The following TEX10 variants were observed in gnomAD, a reference collection of about 807,000 sequenced individuals.
TEX10 encodes testis expressed 10.
Under a neutral mutation model 104.4 loss-of-function variants are expected in TEX10, and 24 were observed. That is an observed-to-expected ratio of 0.23 (90% CI 0.17 to 0.32). TEX10 has a LOEUF of 0.32. Ranked by LOEUF, TEX10 falls within the 10% of genes least tolerant of loss-of-function variation. TEX10 has a pLI of 1.00. For synonymous variants in TEX10, 396 were observed against 393.4 expected (o/e 1.01, Z -0.08); for missense variants, 921 against 1,083.9 (o/e 0.85, Z 2.11).
chr9:100,304,974 C>T (rs1450953317), intron 13 of TEX10: 1 of 152,142 alleles, frequency 6.6e-6, no homozygotes, highest in South Asian at 2.1e-4. Flanking sequence ...GAGAAACTAT[C>T]CACATTTCAA....
chr9:100,307,901 T>C (rs1394549026), intron 13 of TEX10: 5 of 152,184 alleles, frequency 3.3e-5, no homozygotes, highest in African/African-American at 1.2e-4. Flanking sequence ...GACAGAATAT[T>C]TGCCAACCTG....
chr9:100,340,388 T>G lies in TEX10; in HGVS notation c.1138-19A>C. 7.0e-7 allele frequency: 1 copy of G among 1,429,084 alleles called. No individual in the cohort carries two copies. The highest frequency in any genetic ancestry group is 9.4e-7 in the Non-Finnish European group (1 of 1,065,028). 88.5% of individuals were successfully genotyped at this position (1,429,084 alleles called of 1,614,324 possible). On this transcript the variant is annotated intron_variant, in intron 4 of 14. Transcript: ENST00000374902. Reference sequence around the variant, plus strand: ...ATGACTCCTATTGAAATAGCAAAGATTAGAAAAATCTACAAGAAAAAATGT... The same window carrying G: ...ATGACTCCTATTGAAATAGCAAAGAGTAGAAAAATCTACAAGAAAAAATGT...
intron 11 of TEX10, 54 bp downstream of exon 11, chr9:100,320,211 G>C: frequency 6.6e-7 from 1 of 1,506,790 alleles, no homozygotes. Flanking sequence ...AACTATTACT[G>C]GTTGATGAAC....
chr9:100,319,209 C>G (rs1180083725), intron 11 of TEX10, among the ~76,000 whole-genome samples: 4 of 151,702 alleles, frequency 2.6e-5, no homozygotes, highest in Non-Finnish European at 5.9e-5. Context: ...ACAAAAAACA[C>G]CAAACCAAAC....
At chr9:100,302,936 C>CA (rs146141732) in intron 14 of TEX10, among the ~76,000 whole-genome samples, 8 of 149,994 alleles carry the variant, frequency 5.3e-5, no homozygotes, top group East Asian at 4.1e-4. Flanking sequence ...CCGCCCCCCC[C>CA]CCAAACTAAA....
chr9:100,309,368 G>C (rs1267696268), intron 12 of TEX10, among the ~76,000 whole-genome samples: 1 of 152,072 alleles, frequency 6.6e-6, no homozygotes, highest in African/African-American at 2.4e-5. Context: ...ACTACTGTTG[G>C]GTAATGATTT....
chr9:100,332,040 T>C (rs764039888), intron 5 of TEX10, among the ~76,000 whole-genome samples: 6 of 152,220 alleles, frequency 3.9e-5, no homozygotes, highest in East Asian at 3.8e-4. Context: ...TAATTCTACG[T>C]TGGATATGTT....
Position 100,347,388 on chromosome 9 carries a change from G to C in TEX10, c.199C>G (p.His67Asp). The C allele has an allele frequency of 6.3e-7, 1 of 1,588,042 alleles. No homozygotes were observed. ...TGTTTAACCCCAGCATTGTAGTGAT[G>C]CATCTGTGACAGCAAATCCTATAAA... is the stretch of plus-strand genomic sequence containing the variant. ...LNIKDLLSQM[H>D]HYNAGVKQSA... The change falls in exon 3 of 15, where the codon CAT becomes GAT. Residue 67 changes from histidine (H) to aspartate (D), a missense_variant. This residue lies in a region of TEX10 where 118 missense variants were observed against 111.3 expected (regional missense o/e 1.06). Coordinates refer to ENST00000374902, the MANE Select transcript of TEX10 (RefSeq NM_017746.4).
chr9:100,315,601 C>A lies in TEX10; in HGVS notation c.2202+4664G>T, dbSNP rs1173755081. 3.9e-5 allele frequency among the ~76,000 whole-genome samples: 6 copies of A among 152,286 alleles called. No individual in the cohort carries two copies. In the East Asian group the frequency reaches 1.2e-3, roughly 29 times the overall value. On this transcript the variant is annotated intron_variant, in intron 11 of 14. Transcript: ENST00000374902. Reference sequence around the variant, plus strand: ...CTGTAAAAGTATAGCTACTCCTGCTCACTTGTGGTTTGTTTGTATGAGTAT... The same window carrying A: ...CTGTAAAAGTATAGCTACTCCTGCTAACTTGTGGTTTGTTTGTATGAGTAT...
Position 100,340,275 on chromosome 9 carries a change from C to T in TEX10, c.1232G>A (p.Arg411Lys). ...YVLKEITKHKRKEPNKSIKHC... is the reference protein window; with the variant it reads ...YVLKEITKHKKKEPNKSIKHC... ...ATAATACCTTTTATTTGGCTCTTTC[C>T]TTTTGTGCTTGGTTATTTCTTTTAA... The change falls in exon 5 of 15, where the codon AGG becomes AAG. Residue 411 changes from arginine to lysine, a missense_variant. This residue lies in a region of TEX10 where 753 missense variants were observed against 868.4 expected (regional missense o/e 0.87). Coordinates refer to ENST00000374902, the MANE Select transcript of TEX10 (RefSeq NM_017746.4). 6.4e-7 allele frequency: 1 copy of T among 1,561,776 alleles called. No homozygotes were observed. The highest frequency in any genetic ancestry group is 8.6e-7 in the Non-Finnish European group (1 of 1,160,346).
rs1202656390 is a variant in TEX10 at position 100,346,193 on chromosome 9, T to C, written c.1016A>G (p.Gln339Arg). 1 of 1,613,926 alleles carries C rather than the reference T, an allele frequency of 6.2e-7. No individual in the cohort carries two copies. Among genetic ancestry groups the C allele is most frequent in the Non-Finnish European group, 8.5e-7 (1 of 1,179,966 alleles). The change falls in exon 4 of 15, where the codon CAA becomes CGA. Residue 339 changes from glutamine to arginine, a missense_variant. Gln to Arg is a conservative substitution (Grantham distance 43, BLOSUM62 1). Coordinates refer to ENST00000374902, the MANE Select transcript of TEX10 (RefSeq NM_017746.4). ...IECWVEAVPP[Q>R]LATPVGNGIE... is the part of the protein sequence containing the mutation. Reference sequence around the variant, plus strand: ...ACCATTCCCAACAGGAGTAGCTAGTTGTGGAGGTACAGCTTCAACCCAGCA... The same window carrying C: ...ACCATTCCCAACAGGAGTAGCTAGTCGTGGAGGTACAGCTTCAACCCAGCA...
At chr9:100,334,862 G>A (rs568237202) in intron 5 of TEX10, among the ~76,000 whole-genome samples, 4 of 152,066 alleles carry the variant, frequency 2.6e-5, no homozygotes, top group South Asian at 2.1e-4. Context: ...ACAGGGTTTC[G>A]CCACGTTGGC....
At chr9:100,311,062 G>A (rs901732721) in intron 11 of TEX10, among the ~76,000 whole-genome samples, 1 of 152,058 alleles carries the variant, frequency 6.6e-6, no homozygotes, top group Non-Finnish European at 1.5e-5. Flanking sequence ...GCAAAACAAT[G>A]TATAATGCAA....
intron 13 of TEX10, chr9:100,304,045 G>A (rs1229638131): frequency 3.4e-6 from 2 of 583,270 alleles, no homozygotes; most frequent in African/African-American, 1.9e-5. Context: ...TAACCAAGGA[G>A]GTGAAAGATC....
chr9:100,323,542 G>A (rs565562418), intron 9 of TEX10, among the ~76,000 whole-genome samples: 1 of 152,248 alleles, frequency 6.6e-6, no homozygotes, highest in South Asian at 2.1e-4. Context: ...ATATTATTAT[G>A]AAACACCACA....
chr9:100,319,808 A>G, intron 11 of TEX10, among the ~76,000 whole-genome samples: 1 of 152,180 alleles, frequency 6.6e-6, no homozygotes. Flanking sequence ...CTCTGTCTCA[A>G]AAAAATAAAA....
At chr9:100,341,128 G>A (rs766394504) in intron 4 of TEX10, among the ~76,000 whole-genome samples, 3 of 152,064 alleles carry the variant, frequency 2.0e-5, no homozygotes, top group Non-Finnish European at 4.4e-5. Flanking sequence ...TACCACGCTC[G>A]GCTAATTTTT....
At chr9:100,320,209 C>T in intron 11 of TEX10, 56 bp downstream of exon 11, 1 of 1,499,830 alleles carries the variant, frequency 6.7e-7, no homozygotes, top group Non-Finnish European at 9.0e-7. Context: ...GTAACTATTA[C>T]TGGTTGATGA....
chr9:100,324,316 G>A (rs1834649291), intron 9 of TEX10, among the ~76,000 whole-genome samples: 1 of 152,124 alleles, frequency 6.6e-6, no homozygotes, highest in Non-Finnish European at 1.5e-5. Flanking sequence ...TTACAGGTAT[G>A]AGCCACTGCG....
Sources: gnomAD v4.1 joint callset for allele counts (sites outside exome capture counted in the v4.1 genomes callset) on GRCh38, gnomAD v4.1.1 for gene constraint, gnomAD v4.1.1 regional missense constraint, MANE v1.5 for transcripts, NCBI Gene and HGNC (gene_info 2026-07-23, HGNC 2026-07-21) for gene names.